Variants in MIS18BP1 observed in about 807,000 individuals in gnomAD.
MIS18BP1 encodes the protein MIS18 binding protein 1, also known as mis18-binding protein 1.
A neutral mutation model predicts 116.1 loss-of-function variants in MIS18BP1; 72 were observed. The ratio of observed to expected loss-of-function variants is 0.62; its 90% CI spans 0.51 to 0.75. The LOEUF is 0.75. Ranked by LOEUF, MIS18BP1 falls within the 30% of genes least tolerant of loss-of-function variation. The pLI is 0.00. For synonymous variants in MIS18BP1, 386 were observed against 427.0 expected, an observed-to-expected ratio of 0.90 and a Z score of 1.18; for missense variants, 1,363 against 1,303.2, an observed-to-expected ratio of 1.05 and a Z score of -0.71.
chr14:45,223,049 G>C (rs983047300), intron 11 of MIS18BP1, among the ~76,000 whole-genome samples: 3 of 152,088 alleles, frequency 2.0e-5, no homozygotes, highest in Non-Finnish European at 2.9e-5. Flanking sequence ...CATGGGGACT[G>C]AGTTAAGAGA....
chr14:45,243,292 G>C (rs1891634972), intron 2 of MIS18BP1, among the ~76,000 whole-genome samples: 1 of 152,098 alleles, frequency 6.6e-6, no homozygotes, highest in African/African-American at 2.4e-5. Flanking sequence ...AAGCATGAAA[G>C]ATAGTCGAAG....
intron 6 of MIS18BP1, among the ~76,000 whole-genome samples, chr14:45,233,588 G>A (rs1490457732): frequency 1.3e-5 from 2 of 152,116 alleles, no homozygotes; most frequent in Non-Finnish European, 2.9e-5. Flanking sequence ...CAAATTATGA[G>A]GAAAGTCTGG....
rs1303996324 is a variant in MIS18BP1 at position 45,235,828 on chromosome 14, G to A, written c.1334C>T (p.Ser445Phe). 3 of 1,596,470 alleles carry A rather than the reference G, an allele frequency of 1.9e-6. No homozygotes were observed. Among genetic ancestry groups the A allele is most frequent in the East Asian group, 2.2e-5 (1 of 44,526 alleles). Residue 445 changes from serine to phenylalanine, a missense_variant, in exon 6 of 17, where the codon TCC becomes TTC. Ser to Phe is a radical substitution (Grantham distance 155, BLOSUM62 -2). Transcript: ENST00000310806. ...YILKGMIDQI[S>F]MKEAGYPNYL... ...CAGTCATTTACCTGCTTCTTTCATG[G>A]AAATTTGGTCTATCATGCCTTTTAA... is the stretch of plus-strand genomic sequence containing the variant.
In MIS18BP1 at chr14:45,237,735, A is replaced by G; in HGVS notation, c.1144-14T>C. The G allele has an allele frequency of 6.3e-7, 1 of 1,583,548 alleles. No homozygotes were observed. The highest frequency in any genetic ancestry group is 8.5e-7 in the Non-Finnish European group (1 of 1,170,086). On this transcript the variant is annotated splice_polypyrimidine_tract_variant and intron_variant, in intron 4 of 16. Transcript: ENST00000310806. ...TAGCTGAACTACCTAATCAAGTATA[A>G]AACAAAGAACATATTTCCTGTATTA...
At chr14:45,239,542 T>G (rs1891520036) in intron 4 of MIS18BP1, among the ~76,000 whole-genome samples, 1 of 152,038 alleles carries the variant, frequency 6.6e-6, no homozygotes, top group African/African-American at 2.4e-5. Context: ...AGTGGTGAGG[T>G]TGGAGATCTC....
At chr14:45,236,010 T>C in intron 5 of MIS18BP1, 66 bp from the exon 6 acceptor site, 1 of 1,395,544 alleles carries the variant, frequency 7.2e-7, no homozygotes, top group Non-Finnish European at 9.9e-7. Flanking sequence ...CAGAAAATAA[T>C]TTTACACTTT....
chr14:45,235,207 C>CAAAAAAA (rs201225566), intron 6 of MIS18BP1, among the ~76,000 whole-genome samples: 1 of 95,738 alleles, frequency 1.0e-5, no homozygotes, highest in African/African-American at 3.6e-5. Context: ...ACTCCATCTC[C>CAAAAAAA]AAAAAAAAAA....
At chr14:45,249,049 G>C (rs1455851181) in intron 1 of MIS18BP1, among the ~76,000 whole-genome samples, 1 of 151,518 alleles carries the variant, frequency 6.6e-6, no homozygotes, top group Non-Finnish European at 1.5e-5. Context: ...GGGACCACAA[G>C]TGTGTGCCAC....
At position 45,247,087 on chromosome 14, in the gene MIS18BP1, G is replaced by A. The variant is rs371772445; in HGVS notation, c.200C>T (p.Thr67Ile). 2 of 1,612,162 alleles carry A rather than the reference G, an allele frequency of 1.2e-6. No homozygotes were observed. Among genetic ancestry groups the A allele is most frequent in the Non-Finnish European group, 1.7e-6 (2 of 1,179,642 alleles). The stretch of plus-strand genomic sequence containing the variant: ...AAATATATTTTTATTGTTAAAAGTT[G>A]TCATTTTTAGGAACTGATTCTTTTT... ...DHKKNQFLKM[T>I]TFNNKNIFQS... The change falls in exon 2 of 17, where the codon ACA (threonine) becomes ATA (isoleucine). Residue 67 changes from threonine (T) to isoleucine (I), a missense_variant. Thr to Ile is a moderately conservative substitution (Grantham distance 89, BLOSUM62 -1). Transcript: ENST00000310806.
chr14:45,214,556 T>C (rs1398257593), intron 13 of MIS18BP1, among the ~76,000 whole-genome samples: 1 of 152,120 alleles, frequency 6.6e-6, no homozygotes, highest in Non-Finnish European at 1.5e-5. Flanking sequence ...CAGGGGGCCT[T>C]GTATGCTGAG....
intron 2 of MIS18BP1, among the ~76,000 whole-genome samples, chr14:45,243,716 T>C (rs1386006837): frequency 6.6e-6 from 1 of 152,140 alleles, no homozygotes; most frequent in Non-Finnish European, 1.5e-5. Flanking sequence ...AGTTTCTATA[T>C]CTTTAACTCA....
intron 4 of MIS18BP1, among the ~76,000 whole-genome samples, chr14:45,238,434 TAAAAA>T (rs1230797348): frequency 6.6e-6 from 1 of 152,184 alleles, no homozygotes; most frequent in Non-Finnish European, 1.5e-5. Context: ...CATTTACAAA[TAAAAA>T]CAAATTCTCC....
chr14:45,252,101 C>G (rs1034660908), intron 1 of MIS18BP1, among the ~76,000 whole-genome samples: 1 of 152,094 alleles, frequency 6.6e-6, no homozygotes, highest in Non-Finnish European at 1.5e-5. Flanking sequence ...GTAAGCTGCC[C>G]AAGGTCACTT....
chr14:45,214,177 G>A (rs1006710601), intron 13 of MIS18BP1, among the ~76,000 whole-genome samples: 3 of 152,214 alleles, frequency 2.0e-5, no homozygotes, highest in Non-Finnish European at 2.9e-5. Flanking sequence ...AAAATAGGAA[G>A]TCCTCTTTGC....
chr14:45,234,038 G>A (rs1425686953), intron 6 of MIS18BP1, among the ~76,000 whole-genome samples: 2 of 152,084 alleles, frequency 1.3e-5, no homozygotes, highest in Non-Finnish European at 2.9e-5. Context: ...AAGAAACTAA[G>A]AAGGAAGAGG....
chr14:45,230,931 T>C (rs545611698), intron 8 of MIS18BP1, among the ~76,000 whole-genome samples: 16 of 152,304 alleles, frequency 1.1e-4, no homozygotes, highest in Admixed American at 8.5e-4. Flanking sequence ...AAAGGTGGTA[T>C]TTGATGAAGC....
Position 45,235,942 on chromosome 14 carries a change from TCTCTAGG to T in MIS18BP1, c.1218-5_1219del. The T allele has an allele frequency of 6.3e-7, 1 of 1,594,390 alleles. No homozygotes were observed. The highest frequency in any genetic ancestry group is 1.9e-5 in the Admixed American group (1 of 53,612). On this transcript the variant is annotated splice_acceptor_variant and splice_polypyrimidine_tract_variant and coding_sequence_variant and intron_variant, in exon 6 of 17. Coordinates refer to ENST00000310806, the MANE Select transcript of MIS18BP1 (RefSeq NM_018353.5). LOFTEE classifies it high-confidence loss of function. ...ACTGTGCCAATATATGTTAGTGACG[TCTCTAGG>T]AAAAAAAAATAGTTTTGGTAAGGTC...
At chr14:45,238,519 T>C (rs1021576326) in intron 4 of MIS18BP1, among the ~76,000 whole-genome samples, 1 of 152,168 alleles carries the variant, frequency 6.6e-6, no homozygotes, top group Non-Finnish European at 1.5e-5. Flanking sequence ...CACATGTTGA[T>C]TATGTTCATT....
At chr14:45,220,398 A>C (rs1890940502) in intron 11 of MIS18BP1, among the ~76,000 whole-genome samples, 1 of 152,158 alleles carries the variant, frequency 6.6e-6, no homozygotes, top group South Asian at 2.1e-4. Flanking sequence ...CCCAAGACTC[A>C]TATCAAAATG....
Sources: gnomAD v4.1 joint callset for allele counts (sites outside exome capture counted in the v4.1 genomes callset) on GRCh38, gnomAD v4.1.1 for gene constraint, MANE v1.5 for transcripts, NCBI Gene and HGNC (gene_info 2026-07-23, HGNC 2026-07-21) for gene names.